The following AFG1L variants were observed in gnomAD, a reference collection of about 807,000 sequenced individuals.
AFG1L encodes AFG1-like ATPase.
Under a neutral mutation model 62.2 loss-of-function variants are expected in AFG1L, and 53 were observed. The observed-to-expected ratio is 0.85, with a 90% confidence interval of 0.68 to 1.07. AFG1L has a LOEUF of 1.07. Ranked by LOEUF, AFG1L falls within the 50% of genes least tolerant of loss-of-function variation. AFG1L has a pLI of 0.00. For missense variants in AFG1L, 555 were observed against 590.5 expected, an observed-to-expected ratio of 0.94 and a Z score of 0.62; for synonymous variants, 228 against 210.3, an observed-to-expected ratio of 1.08 and a Z score of -0.73.
chr6:108,505,079 A>ATT lies in AFG1L; in HGVS notation c.1063-5122_1063-5121dup, dbSNP rs34326858. On this transcript the variant is annotated intron_variant, in intron 10 of 12. Transcript: ENST00000368977. ...AGAAAACCTCAAGCCCTGAGCTTGGATTTTTTTTTTTTCTTTTTTCTTTTT... is the reference window on the plus strand; with the variant it reads ...AGAAAACCTCAAGCCCTGAGCTTGGATTTTTTTTTTTTTTCTTTTTTCTTTTT... Among the ~76,000 whole-genome samples, 1,085 of 142,850 alleles carry ATT rather than the reference A, an allele frequency of 7.6e-3. 9 individuals carry two copies. Among genetic ancestry groups the ATT allele is most frequent in the African/African-American group, 0.019 (743 of 38,696 alleles). The allele number at this position is 142,850 out of a possible 152,430, so 93.7% of individuals were successfully genotyped here.
intron 10 of AFG1L, among the ~76,000 whole-genome samples, chr6:108,496,647 G>A (rs1773985361): frequency 6.6e-6 from 1 of 151,966 alleles, no homozygotes; most frequent in African/African-American, 2.4e-5. Context: ...AATCTTTAAT[G>A]TTGTTTTTCT....
chr6:108,395,328 T>A (rs1042321481), intron 6 of AFG1L, among the ~76,000 whole-genome samples: 3 of 151,440 alleles, frequency 2.0e-5, no homozygotes, highest in African/African-American at 4.8e-5. Context: ...CCATACTTTT[T>A]AAAAAAAATT....
intron 6 of AFG1L, among the ~76,000 whole-genome samples, chr6:108,378,030 CT>C (rs2114541387): frequency 6.8e-6 from 1 of 146,470 alleles, no homozygotes; most frequent in Non-Finnish European, 1.5e-5. Flanking sequence ...TTTAAAAATT[CT>C]TCTTTTTTTT....
At chr6:108,447,533 G>C (rs1228445288) in intron 8 of AFG1L, among the ~76,000 whole-genome samples, 1 of 152,250 alleles carries the variant, frequency 6.6e-6, no homozygotes, top group Non-Finnish European at 1.5e-5. Context: ...AATGATGACA[G>C]ATGGTTAGAA....
intron 10 of AFG1L, among the ~76,000 whole-genome samples, chr6:108,497,496 T>G (rs1774019092): frequency 6.6e-6 from 1 of 152,106 alleles, no homozygotes; most frequent in Non-Finnish European, 1.5e-5. Flanking sequence ...AATTCCTTTT[T>G]CATATCAGTT....
At chr6:108,486,344 C>T (rs944724721) in intron 10 of AFG1L, among the ~76,000 whole-genome samples, 9 of 151,964 alleles carry the variant, frequency 5.9e-5, no homozygotes, top group Non-Finnish European at 8.8e-5. Context: ...GTACCTTCTC[C>T]CAGATTAGAT....
At chr6:108,515,277 C>T (rs1774831672) in intron 11 of AFG1L, among the ~76,000 whole-genome samples, 1 of 152,130 alleles carries the variant, frequency 6.6e-6, no homozygotes, top group African/African-American at 2.4e-5. Context: ...TGTAAAAGAA[C>T]AGAAATTATA....
At chr6:108,489,362 C>T (rs61598054) in intron 10 of AFG1L, among the ~76,000 whole-genome samples, 19,433 of 152,196 alleles carry the variant, frequency 0.13, 1,421 homozygotes, top group South Asian at 0.25. Context: ...AATAACTGAA[C>T]GGAGATTTTC....
rs80203280 is a variant in AFG1L, at chr6:108,366,923, A to T, written c.748+591A>T. ...ATATTTCATGAGAGACTTAATGGGA[A>T]CATCTTTCTGCCTGGAGTGCTGTTT... On this transcript the variant is annotated intron_variant, in intron 6 of 12. Coordinates refer to ENST00000368977, the MANE Select transcript of AFG1L (RefSeq NM_145315.5). 7.4e-4 allele frequency among the ~76,000 whole-genome samples: 113 copies of T among 152,250 alleles called. 4 individuals carry two copies. In the East Asian group the frequency reaches 0.02, roughly 28 times the overall value.
At chr6:108,341,108 G>T (rs1778664499) in intron 2 of AFG1L, among the ~76,000 whole-genome samples, 2 of 152,110 alleles carry the variant, frequency 1.3e-5, no homozygotes, top group African/African-American at 4.8e-5. Flanking sequence ...CAATCTGGGT[G>T]AAGTTCATGG....
chr6:108,419,843 T>C (rs750605349), intron 7 of AFG1L, among the ~76,000 whole-genome samples: 10 of 152,192 alleles, frequency 6.6e-5, no homozygotes, highest in Non-Finnish European at 8.8e-5. Flanking sequence ...AATATTCCCA[T>C]GGTGTGATTT....
rs540479589 is a variant in AFG1L, at chr6:108,355,249, T to G, written c.416-405T>G. On this transcript the variant is annotated intron_variant, in intron 3 of 12. Transcript: ENST00000368977. ...AGCCACTGTGCCCAGCCTCTTATTTTTCATTTTTGAATTTTCCCATAGTGC... is the reference window on the plus strand; with the variant it reads ...AGCCACTGTGCCCAGCCTCTTATTTGTCATTTTTGAATTTTCCCATAGTGC... Among the ~76,000 whole-genome samples the G allele has an allele frequency of 1.1e-4, 16 of 152,182 alleles. No homozygotes were observed. In the East Asian group the frequency reaches 2.9e-3, roughly 28 times the overall value.
chr6:108,314,984 A>T (rs971200215), intron 1 of AFG1L, among the ~76,000 whole-genome samples: 3 of 152,078 alleles, frequency 2.0e-5, no homozygotes, highest in Non-Finnish European at 4.4e-5. Context: ...GGTTACAGGC[A>T]TGCACTAGCA....
At chr6:108,438,025 T>C (rs541765046) in intron 7 of AFG1L, among the ~76,000 whole-genome samples, 1 of 152,346 alleles carries the variant, frequency 6.6e-6, no homozygotes, top group African/African-American at 2.4e-5. Flanking sequence ...AGATTGTGAC[T>C]CACCTCACAA....
At chr6:108,332,140 C>A (rs1019950842) in intron 2 of AFG1L, among the ~76,000 whole-genome samples, 1 of 152,176 alleles carries the variant, frequency 6.6e-6, no homozygotes, top group African/African-American at 2.4e-5. Flanking sequence ...TCTTTATTTA[C>A]AAAAACAAGT....
intron 8 of AFG1L, among the ~76,000 whole-genome samples, chr6:108,453,006 A>T (rs1340612219): frequency 2.6e-5 from 4 of 152,210 alleles, no homozygotes; most frequent in Non-Finnish European, 5.9e-5. Context: ...ACTCAGCAAG[A>T]TGTGATGGAG....
intron 8 of AFG1L, among the ~76,000 whole-genome samples, chr6:108,469,559 G>T (rs930754940): frequency 1.3e-5 from 2 of 152,132 alleles, no homozygotes; most frequent in African/African-American, 2.4e-5. Flanking sequence ...ATGAAAATAC[G>T]TTGTAAGGGT....
chr6:108,518,753 T>C (rs1216746139), intron 11 of AFG1L, among the ~76,000 whole-genome samples: 1 of 152,242 alleles, frequency 6.6e-6, no homozygotes, highest in East Asian at 1.9e-4. Flanking sequence ...CAAATACTTA[T>C]GTAATCAAGA....
intron 1 of AFG1L, among the ~76,000 whole-genome samples, chr6:108,320,858 A>G (rs984499829): frequency 1.3e-5 from 2 of 152,170 alleles, no homozygotes; most frequent in Non-Finnish European, 2.9e-5. Context: ...AGTAGCATCG[A>G]TGATTGATTG....
Sources: gnomAD v4.1 joint callset for allele counts (sites outside exome capture counted in the v4.1 genomes callset) on GRCh38, gnomAD v4.1.1 for gene constraint, MANE v1.5 for transcripts, NCBI Gene and HGNC (gene_info 2026-07-23, HGNC 2026-07-21) for gene names.